The following NRP2 variants were observed in gnomAD, a reference collection of about 807,000 sequenced individuals.
NRP2 encodes neuropilin-2.
NRP2 carries 52 observed loss-of-function variants against 110.4 expected under a neutral mutation model. The ratio of observed to expected loss-of-function variants is 0.47; its 90% CI spans 0.38 to 0.59. The LOEUF (loss-of-function observed/expected upper bound fraction) is 0.59, where lower values mean the gene tolerates loss of function less well. NRP2 is among the 20% of genes least tolerant of loss of function. The pLI, the probability that NRP2 is intolerant of heterozygous loss-of-function variation, is 0.00. For synonymous variants in NRP2, 508 were observed against 468.9 expected, an observed-to-expected ratio of 1.08 and a Z score of -1.08; for missense variants, 1,049 against 1,203.0, an observed-to-expected ratio of 0.87 and a Z score of 1.89.
chr2:205,748,947 G>T (rs938852897), intron 10 of NRP2, among the ~76,000 whole-genome samples: 8 of 152,216 alleles, frequency 5.3e-5, no homozygotes, highest in African/African-American at 1.7e-4. Context: ...AGCCAGGTTT[G>T]GCCTAGCCAG....
chr2:205,757,760 T>C (rs1279980874), intron 12 of NRP2, among the ~76,000 whole-genome samples: 1 of 152,142 alleles, frequency 6.6e-6, no homozygotes, highest in African/African-American at 2.4e-5. Flanking sequence ...CAGGAGCAGC[T>C]TGGCTAAAAG....
chr2:205,792,927 G>A (rs114225383), intron 16 of NRP2, among the ~76,000 whole-genome samples: 1,812 of 152,250 alleles, frequency 0.012, 11 homozygotes, highest in Non-Finnish European at 0.018. Context: ...GCTTCTCTGA[G>A]TACCAGAGTT....
At position 205,692,494 on chromosome 2, in the gene NRP2, G is replaced by T. The variant is rs56264122; in HGVS notation, c.74-5050G>T. ...CTGAGCCAACGACTTAGATGATCTGGGTGAGGGATTTGAAGAAACTCCTTT... is the reference window on the plus strand; with the variant it reads ...CTGAGCCAACGACTTAGATGATCTGTGTGAGGGATTTGAAGAAACTCCTTT... On this transcript the variant is annotated intron_variant, in intron 1 of 16. Coordinates refer to ENST00000357785, the MANE Select transcript of NRP2 (RefSeq NM_003872.3). 2.9e-3 allele frequency among the ~76,000 whole-genome samples: 439 copies of T among 152,264 alleles called. 4 individuals carry two copies. The highest frequency in any genetic ancestry group is 9.7e-3 in the African/African-American group (402 of 41,548).
At chr2:205,684,087 G>A (rs186047674) in intron 1 of NRP2, among the ~76,000 whole-genome samples, 26 of 152,312 alleles carry the variant, frequency 1.7e-4, no homozygotes, top group Non-Finnish European at 3.2e-4. Flanking sequence ...CTTGTGAAGT[G>A]GTTAGAAACT....
chr2:205,740,556 T>C lies in NRP2; in HGVS notation c.1184T>C (p.Leu395Pro). 1.9e-6 allele frequency: 3 copies of C among 1,614,244 alleles called. No individual in the cohort carries two copies. The highest frequency in any genetic ancestry group is 2.5e-6 in the Non-Finnish European group (3 of 1,180,036). The change falls in exon 8 of 17, where the codon CTG (leucine) becomes CCG (proline). Residue 395 changes from leucine to proline, a missense_variant. Coordinates refer to ENST00000357785, the MANE Select transcript of NRP2 (RefSeq NM_003872.3). ...AACAACGATGCAACTGAGGTGGTTC[T>C]GAACAAGCTCCACGCTCCACTGCTG... is the stretch of plus-strand genomic sequence containing the variant. ...QANNDATEVV[L>P]NKLHAPLLTR...
At chr2:205,772,398 A>G (rs926502694) in intron 15 of NRP2, among the ~76,000 whole-genome samples, 1 of 152,146 alleles carries the variant, frequency 6.6e-6, no homozygotes, top group African/African-American at 2.4e-5. Context: ...CTCAAAATTC[A>G]AATTCTTTGT....
chr2:205,776,548 C>G, intron 15 of NRP2: 2 of 1,601,262 alleles, frequency 1.2e-6, no homozygotes, highest in Middle Eastern at 1.6e-4. Context: ...AGAACAGCAC[C>G]CAAAACAAAC....
At chr2:205,718,722 A>C (rs2056951812) in intron 3 of NRP2, among the ~76,000 whole-genome samples, 1 of 152,132 alleles carries the variant, frequency 6.6e-6, no homozygotes. Context: ...CAGGCGGATC[A>C]CCTGAGGTCA....
intron 15 of NRP2, chr2:205,767,621 G>T: frequency 3.4e-6 from 1 of 297,788 alleles, no homozygotes; most frequent in Admixed American, 4.7e-5. Flanking sequence ...TGGCAATGTT[G>T]TTTGTGCTGT....
Position 205,714,764 on chromosome 2 carries a change from G to A in NRP2, c.252-1429G>A, listed in dbSNP as rs186056011. On this transcript the variant is annotated intron_variant, in intron 2 of 16. Coordinates refer to ENST00000357785, the MANE Select transcript of NRP2 (RefSeq NM_003872.3). ...GGACTGTGGGAGTCCAGCCCTGTGG[G>A]GTCTAAGAATGAATTAATCCTGGCC... is the stretch of plus-strand genomic sequence containing the variant. Among the ~76,000 whole-genome samples, 377 of 152,176 alleles carry A rather than the reference G, an allele frequency of 2.5e-3. 1 individual carries two copies. The highest frequency in any genetic ancestry group is 3.4e-3 in the Non-Finnish European group (234 of 68,010).
At chr2:205,749,367 T>G (rs13026243) in intron 10 of NRP2, among the ~76,000 whole-genome samples, 90,163 of 152,066 alleles carry the variant, frequency 0.59, 27,730 homozygotes, top group Non-Finnish European at 0.69. Flanking sequence ...TCCATCCAGT[T>G]TTGTGCAAAC....
intron 3 of NRP2, among the ~76,000 whole-genome samples, chr2:205,721,289 T>C (rs984214130): frequency 1.3e-5 from 2 of 152,220 alleles, no homozygotes; most frequent in Admixed American, 6.5e-5. Flanking sequence ...CGAGTATTTC[T>C]GGTTGGTTGT....
chr2:205,772,836 C>G (rs910791625), intron 15 of NRP2, among the ~76,000 whole-genome samples: 1 of 152,214 alleles, frequency 6.6e-6, no homozygotes, highest in Non-Finnish European at 1.5e-5. Flanking sequence ...CAGGTGACAT[C>G]TGCCTAAAGT....
chr2:205,783,442 C>T (rs925062631), intron 15 of NRP2, among the ~76,000 whole-genome samples: 1 of 152,140 alleles, frequency 6.6e-6, no homozygotes, highest in African/African-American at 2.4e-5. Flanking sequence ...AAAAAACATC[C>T]CTTAAGGTCA....
intron 7 of NRP2, among the ~76,000 whole-genome samples, chr2:205,738,266 C>A (rs1267539835): frequency 1.3e-5 from 2 of 152,112 alleles, no homozygotes; most frequent in Non-Finnish European, 2.9e-5. Flanking sequence ...CTGATGGCGA[C>A]CACACACACA....
At chr2:205,690,629 C>CAA (rs2056294246) in intron 1 of NRP2, among the ~76,000 whole-genome samples, 1 of 134,562 alleles carries the variant, frequency 7.4e-6, no homozygotes, top group Non-Finnish European at 1.6e-5. Context: ...CACACACACA[C>CAA]AATAGCTGGG....
chr2:205,700,283 T>C (rs771145533), intron 2 of NRP2, among the ~76,000 whole-genome samples: 1 of 152,218 alleles, frequency 6.6e-6, no homozygotes, highest in Non-Finnish European at 1.5e-5. Context: ...TCCTTTTATT[T>C]TGGGTGCATG....
rs543538638 is a variant in NRP2, at chr2:205,707,270, G to A, written c.252-8923G>A. Among the ~76,000 whole-genome samples the A allele has an allele frequency of 2.6e-5, 4 of 152,370 alleles. No individual in the cohort carries two copies. In the East Asian group the frequency reaches 7.7e-4, roughly 29 times the overall value. On this transcript the variant is annotated intron_variant, in intron 2 of 16. Transcript: ENST00000357785. ...ATGCTTCAGAATGCAGCTGTCGAAA[G>A]CATAGTCACAAACGGAAGCGGTTCC...
chr2:205,778,516 G>C (rs2058134067), intron 15 of NRP2: 1 of 152,166 alleles, frequency 6.6e-6, no homozygotes, highest in Non-Finnish European at 1.5e-5. Flanking sequence ...ATCAGCCCAG[G>C]GTACCATGTG....
Sources: gnomAD v4.1 joint callset for allele counts (sites outside exome capture counted in the v4.1 genomes callset) on GRCh38, gnomAD v4.1.1 for gene constraint, MANE v1.5 for transcripts, NCBI Gene and HGNC (gene_info 2026-07-23, HGNC 2026-07-21) for gene names.